Variants in PHF21B observed in about 807,000 individuals in gnomAD.
PHF21B encodes PHD finger protein 21B.
A neutral mutation model predicts 62.2 loss-of-function variants in PHF21B; 22 were observed. The ratio of observed to expected loss-of-function variants is 0.35; its 90% CI spans 0.25 to 0.51. The LOEUF is 0.51. Among genes scored for constraint, PHF21B ranks in the 20% least tolerant of loss-of-function variants. The probability of loss-of-function intolerance (pLI) is 0.97; values close to 1 mark genes in which losing one functional copy is unlikely to be tolerated. For missense variants in PHF21B, 701 were observed against 707.9 expected, an observed-to-expected ratio of 0.99 and a Z score of 0.11; for synonymous variants, 341 against 314.7, an observed-to-expected ratio of 1.08 and a Z score of -0.88.
intron 5 of PHF21B, among the ~76,000 whole-genome samples, chr22:44,912,705 C>T (rs971520128): frequency 4.0e-5 from 6 of 151,824 alleles, no homozygotes; most frequent in African/African-American, 1.5e-4. Context: ...CTAATACACC[C>T]TGTCTCTACA....
Position 45,009,136 on chromosome 22 carries a change from G to A in PHF21B, c.54+360C>T. On this transcript the variant is annotated intron_variant, in intron 1 of 12. Transcript: ENST00000313237. The surrounding 1 kb of genome is among the most constrained non-coding windows in gnomAD (Gnocchi z 5.9). ...GGGCAGGTTCGCCCGGGGCGCGGGG[G>A]CCCGAGGGGAGGCCGGAAGGGGGCC... The A allele has an allele frequency of 2.8e-6, 2 of 713,218 alleles. No homozygotes were observed. Among genetic ancestry groups the A allele is most frequent in the Non-Finnish European group, 3.8e-6 (2 of 530,350 alleles). The allele number at this position is 713,218 out of a possible 1,614,324, so 44.2% of individuals were successfully genotyped here. A position where few individuals can be genotyped will look rare whatever the true frequency, so the allele number is the denominator to read the frequency against.
rs779395900 is a variant in PHF21B at position 44,933,580 on chromosome 22, C to T, written c.121-13090G>A. 1.6e-3 allele frequency: 1,518 copies of T among 976,490 alleles called. 2 individuals are homozygous for T. The highest frequency in any genetic ancestry group is 1.8e-3 in the Non-Finnish European group (1,462 of 822,066). 60.5% of individuals were successfully genotyped at this position (976,490 alleles called of 1,614,324 possible). On this transcript the variant is annotated intron_variant, in intron 2 of 12. Transcript: ENST00000313237. ...CTGCCCGCAACTCAACGGAAGTGCACGGGAAGGTCTCGGCTACATAGAAGG... is the reference window on the plus strand; with the variant it reads ...CTGCCCGCAACTCAACGGAAGTGCATGGGAAGGTCTCGGCTACATAGAAGG...
intron 2 of PHF21B, among the ~76,000 whole-genome samples, chr22:44,936,169 A>C (rs1313979036): frequency 6.6e-6 from 1 of 152,220 alleles, no homozygotes; most frequent in Non-Finnish European, 1.5e-5. Context: ...TCCTGGGATG[A>C]ATGGGCCAAG....
intron 2 of PHF21B, among the ~76,000 whole-genome samples, chr22:44,964,114 G>A (rs976252928): frequency 2.6e-5 from 4 of 152,240 alleles, no homozygotes; most frequent in African/African-American, 9.6e-5. Context: ...GTTTCCTGGG[G>A]CTGTGGGGAA....
At chr22:44,885,829 A>C in intron 11 of PHF21B, 34 bp downstream of exon 11, 2 of 1,598,134 alleles carry the variant, frequency 1.3e-6, no homozygotes, top group Non-Finnish European at 1.7e-6. Context: ...GAGGGGGAGC[A>C]GGTACCCTTT....
At chr22:44,986,356 C>G (rs573089882) in intron 2 of PHF21B, among the ~76,000 whole-genome samples, 78 of 151,648 alleles carry the variant, frequency 5.1e-4, no homozygotes, top group African/African-American at 1.6e-3. Flanking sequence ...TTACCAGCAG[C>G]ACCACCACCA....
intron 2 of PHF21B, among the ~76,000 whole-genome samples, chr22:44,946,439 G>T (rs925712422): frequency 1.3e-5 from 2 of 152,060 alleles, no homozygotes; most frequent in Non-Finnish European, 2.9e-5. Context: ...CTGGCGTCCT[G>T]GGCGCTCAGT....
intron 10 of PHF21B, among the ~76,000 whole-genome samples, chr22:44,887,754 CAAAAA>C (rs59049105): frequency 4.1e-5 from 3 of 72,306 alleles, no homozygotes; most frequent in Non-Finnish European, 3.1e-5. Flanking sequence ...GACTCTGTCT[CAAAAA>C]AAAAAAAAAA....
chr22:45,000,322 C>T (rs2073192089), intron 2 of PHF21B, among the ~76,000 whole-genome samples: 1 of 152,142 alleles, frequency 6.6e-6, no homozygotes, highest in Non-Finnish European at 1.5e-5. Flanking sequence ...AGACACTGCC[C>T]CATACATATC....
chr22:45,001,751 A>G (rs1024688076), intron 2 of PHF21B: 1 of 152,252 alleles, frequency 6.6e-6, no homozygotes, highest in African/African-American at 2.4e-5. Flanking sequence ...CCTCCACAAT[A>G]CCACGTCAGG....
intron 2 of PHF21B, among the ~76,000 whole-genome samples, chr22:44,939,971 C>T (rs1030532131): frequency 6.6e-6 from 1 of 152,052 alleles, no homozygotes; most frequent in East Asian, 1.9e-4. Flanking sequence ...TCAAAAAGCC[C>T]AGAGTTAGGT....
At chr22:44,900,187 C>T (rs919249980) in intron 5 of PHF21B, among the ~76,000 whole-genome samples, 1 of 152,032 alleles carries the variant, frequency 6.6e-6, no homozygotes, top group Non-Finnish European at 1.5e-5. Flanking sequence ...ACATCCTCAC[C>T]CACAGTTAAA....
At chr22:44,895,005 C>T (rs1036790808) in intron 6 of PHF21B, among the ~76,000 whole-genome samples, 7 of 152,232 alleles carry the variant, frequency 4.6e-5, no homozygotes, top group African/African-American at 7.2e-5. Context: ...CCTCGGGCAC[C>T]GCGGGGGTTC....
At position 44,881,479 on chromosome 22, in the gene PHF21B, C is replaced by T. The variant is rs758499398; in HGVS notation, c.*1607G>A. 15 of 152,686 alleles carry T rather than the reference C, an allele frequency of 9.8e-5. No individual in the cohort carries two copies. Among genetic ancestry groups the T allele is most frequent in the Non-Finnish European group, 1.3e-4 (9 of 68,046 alleles). The allele number at this position is 152,686 out of a possible 1,614,324, so 9.5% of individuals were successfully genotyped here. ...GGCACAGAGTAGCCAATATAGAAGA[C>T]GTGTGCCTCACACGGTTCACTTTGT... On this transcript the variant is annotated 3_prime_UTR_variant, in exon 13 of 13. Coordinates refer to ENST00000313237, the MANE Select transcript of PHF21B (RefSeq NM_138415.5).
chr22:44,989,713 G>A (rs569069089), intron 2 of PHF21B, among the ~76,000 whole-genome samples: 1 of 145,522 alleles, frequency 6.9e-6, no homozygotes, highest in Non-Finnish European at 1.5e-5. Context: ...AGGTTCAAGC[G>A]ATTCTCGTGC....
intron 2 of PHF21B, among the ~76,000 whole-genome samples, chr22:44,945,995 A>G (rs2072061566): frequency 6.6e-6 from 1 of 152,072 alleles, no homozygotes; most frequent in East Asian, 1.9e-4. Flanking sequence ...CTTACTCCCC[A>G]AATAATTACC....
At chr22:44,935,529 G>A (rs1453265114) in intron 2 of PHF21B, among the ~76,000 whole-genome samples, 4 of 152,118 alleles carry the variant, frequency 2.6e-5, no homozygotes, top group Non-Finnish European at 2.9e-5. Context: ...CAGGAGAATG[G>A]CGTGAACCCG....
rs1406559164 is a variant in PHF21B at position 44,916,531 on chromosome 22, T to C, written c.313A>G (p.Ser105Gly). The C allele has an allele frequency of 1.2e-6, 2 of 1,609,684 alleles. No homozygotes were observed. The highest frequency in any genetic ancestry group is 1.7e-5 in the Admixed American group (1 of 59,984). Residue 105 changes from serine to glycine, a missense_variant, in exon 4 of 13, where the codon AGC (serine) becomes GGC (glycine). Coordinates refer to ENST00000313237, the MANE Select transcript of PHF21B (RefSeq NM_138415.5). ...PPTFQKATVVSVKNPSPALPT... is the reference protein window; with the variant it reads ...PPTFQKATVVGVKNPSPALPT... ...AGGGCTGGGCTGGGGTTCTTGACGC[T>C]GACCACGGTGGCCTTCTGGAATGTT...
At chr22:44,926,395 G>A (rs1036428562) in intron 2 of PHF21B, among the ~76,000 whole-genome samples, 4 of 152,238 alleles carry the variant, frequency 2.6e-5, no homozygotes, top group South Asian at 2.1e-4. Context: ...TCCAATAGGG[G>A]CCAGAGAACA....
Sources: gnomAD v4.1 joint callset for allele counts (sites outside exome capture counted in the v4.1 genomes callset) on GRCh38, gnomAD v4.1.1 for gene constraint, Gnocchi (gnomAD v3.1) non-coding constraint, MANE v1.5 for transcripts, NCBI Gene and HGNC (gene_info 2026-07-23, HGNC 2026-07-21) for gene names.